The following KLHL1 variants were observed in gnomAD, a reference collection of about 807,000 sequenced individuals.
The protein encoded by KLHL1 is kelch-like protein 1.
In KLHL1, 47 loss-of-function variants were observed where a neutral mutation model predicts 77.7. The observed-to-expected ratio is 0.60, with a 90% CI of 0.48 to 0.77. KLHL1 has a LOEUF of 0.77. Ranked by LOEUF, KLHL1 falls within the 30% of genes least tolerant of loss-of-function variation. KLHL1 has a pLI of 0.00. For synonymous variants in KLHL1, 360 were observed against 325.2 expected (o/e 1.11, Z -1.15); for missense variants, 925 against 910.8 (o/e 1.02, Z -0.20).
intron 3 of KLHL1, among the ~76,000 whole-genome samples, chr13:69,952,977 A>C (rs931576261): frequency 6.6e-6 from 1 of 151,394 alleles, no homozygotes; most frequent in South Asian, 2.1e-4. Flanking sequence ...TAATGTTTTC[A>C]AAGATGGTTA....
intron 1 of KLHL1, among the ~76,000 whole-genome samples, chr13:69,999,878 T>C (rs964204469): frequency 2.0e-5 from 3 of 152,122 alleles, no homozygotes; most frequent in African/African-American, 4.8e-5. Context: ...TCTTTCACTT[T>C]CCTTTTATGG....
chr13:69,805,871 C>A (rs1011675647), intron 6 of KLHL1, among the ~76,000 whole-genome samples: 3 of 151,520 alleles, frequency 2.0e-5, no homozygotes, highest in African/African-American at 7.3e-5. Flanking sequence ...ATTATACTGG[C>A]ATTTCTTTGG....
intron 6 of KLHL1, among the ~76,000 whole-genome samples, chr13:69,806,256 C>G (rs2138054977): frequency 6.6e-6 from 1 of 152,286 alleles, no homozygotes; most frequent in South Asian, 2.1e-4. Context: ...CACATGGCCA[C>G]AACTTGATAA....
At chr13:70,047,092 G>A (rs895830186) in intron 1 of KLHL1, among the ~76,000 whole-genome samples, 1 of 151,904 alleles carries the variant, frequency 6.6e-6, no homozygotes, top group Non-Finnish European at 1.5e-5. Context: ...ACCCAACAGT[G>A]AACACAATAG....
chr13:69,836,960 A>G (rs759612597), intron 6 of KLHL1, among the ~76,000 whole-genome samples: 1 of 151,916 alleles, frequency 6.6e-6, no homozygotes, highest in Non-Finnish European at 1.5e-5. Context: ...CAATTTCACT[A>G]CTAAGAAGGG....
chr13:70,007,708 T>C (rs2137333378), intron 1 of KLHL1, among the ~76,000 whole-genome samples: 1 of 152,174 alleles, frequency 6.6e-6, no homozygotes, highest in African/African-American at 2.4e-5. Flanking sequence ...TTCCTAGTAC[T>C]GTATTACTTT....
chr13:69,898,883 G>A (rs1441590792), intron 4 of KLHL1, among the ~76,000 whole-genome samples: 2 of 152,262 alleles, frequency 1.3e-5, no homozygotes, highest in Non-Finnish European at 2.9e-5. Context: ...ACTCACCATT[G>A]ATTATAAGTG....
At chr13:69,852,008 G>C (rs1340719567) in intron 5 of KLHL1, among the ~76,000 whole-genome samples, 1 of 151,864 alleles carries the variant, frequency 6.6e-6, no homozygotes, top group Non-Finnish European at 1.5e-5. Flanking sequence ...AAACCATCTT[G>C]TTATGAGTAA....
At chr13:70,033,780 C>T (rs949338558) in intron 1 of KLHL1, among the ~76,000 whole-genome samples, 1 of 151,694 alleles carries the variant, frequency 6.6e-6, no homozygotes, top group Non-Finnish European at 1.5e-5. Context: ...CCACCACAGC[C>T]GGCTAATTTT....
chr13:69,991,186 C>T lies in KLHL1; in HGVS notation c.498-15384G>A, dbSNP rs183152344. ...AGAGGAAAATTTATAGTACTAAACACCCATATATAAAAGTTAGAAAGGTCT... is the reference window on the plus strand; with the variant it reads ...AGAGGAAAATTTATAGTACTAAACATCCATATATAAAAGTTAGAAAGGTCT... On this transcript the variant is annotated intron_variant, in intron 1 of 10. Coordinates refer to ENST00000377844, the MANE Select transcript of KLHL1 (RefSeq NM_020866.3). 5.2e-4 allele frequency among the ~76,000 whole-genome samples: 79 copies of T among 151,948 alleles called. 1 individual carries two copies. The highest frequency in any genetic ancestry group is 1.9e-3 in the African/African-American group (79 of 41,482).
chr13:69,929,006 AAAT>A (rs1430833801), intron 4 of KLHL1, among the ~76,000 whole-genome samples: 1 of 152,162 alleles, frequency 6.6e-6, no homozygotes, highest in African/African-American at 2.4e-5. Flanking sequence ...TCTTATGCTC[AAAT>A]AATGTTTTGT....
chr13:70,047,056 C>T (rs1886517740), intron 1 of KLHL1, among the ~76,000 whole-genome samples: 2 of 152,016 alleles, frequency 1.3e-5, no homozygotes, highest in Admixed American at 1.3e-4. Flanking sequence ...GATAATACAA[C>T]CAAACCAACC....
chr13:69,836,459 G>A (rs1878994117), intron 6 of KLHL1, among the ~76,000 whole-genome samples: 1 of 152,050 alleles, frequency 6.6e-6, no homozygotes, highest in African/African-American at 2.4e-5. Flanking sequence ...CTAGTTCTGA[G>A]TTAAAAATGA....
At chr13:69,909,081 T>C (rs1304976718) in intron 4 of KLHL1, among the ~76,000 whole-genome samples, 1 of 149,630 alleles carries the variant, frequency 6.7e-6, no homozygotes, top group Non-Finnish European at 1.5e-5. Context: ...ATAGTATTTA[T>C]GTAAAATAAA....
At chr13:70,100,475 T>C (rs1459009613) in intron 1 of KLHL1, among the ~76,000 whole-genome samples, 1 of 152,138 alleles carries the variant, frequency 6.6e-6, no homozygotes, top group Non-Finnish European at 1.5e-5. Context: ...TTTTTACAGA[T>C]ATGACAAACT....
At position 69,972,713 on chromosome 13, in the gene KLHL1, C is replaced by A. The variant is rs189062266; in HGVS notation, c.680+2907G>T. 6.6e-5 allele frequency among the ~76,000 whole-genome samples: 10 copies of A among 151,938 alleles called. No individual in the cohort carries two copies. In the East Asian group the frequency reaches 1.9e-3, roughly 29 times the overall value. ...CATAAGATTTCCCCATGTATGTCTGCAAAATGCTCTTACTCTTAATAATGG... is the reference window on the plus strand; with the variant it reads ...CATAAGATTTCCCCATGTATGTCTGAAAAATGCTCTTACTCTTAATAATGG... On this transcript the variant is annotated intron_variant, in intron 2 of 10. Coordinates refer to ENST00000377844, the MANE Select transcript of KLHL1 (RefSeq NM_020866.3).
intron 2 of KLHL1, among the ~76,000 whole-genome samples, chr13:69,971,297 T>TATC (rs577770091): frequency 6.7e-4 from 101 of 151,876 alleles, no homozygotes; most frequent in African/African-American, 1.9e-3. Context: ...GAGTGTTAAC[T>TATC]ATCATCATCA....
chr13:69,868,775 T>C (rs894413584), intron 5 of KLHL1, among the ~76,000 whole-genome samples: 1 of 152,138 alleles, frequency 6.6e-6, no homozygotes, highest in African/African-American at 2.4e-5. Context: ...GTTTTAGAGT[T>C]TGGATTTTCA....
intron 7 of KLHL1, among the ~76,000 whole-genome samples, chr13:69,789,364 ATTAT>A (rs560880980): frequency 1.3e-3 from 201 of 152,014 alleles, no homozygotes; most frequent in African/African-American, 4.5e-3. Context: ...TTATTACATT[ATTAT>A]TTACTTTTTT....
Sources: gnomAD v4.1 joint callset for allele counts (sites outside exome capture counted in the v4.1 genomes callset) on GRCh38, gnomAD v4.1.1 for gene constraint, MANE v1.5 for transcripts, NCBI Gene and HGNC (gene_info 2026-07-23, HGNC 2026-07-21) for gene names.